Variants in WDR62 observed in about 807,000 individuals in gnomAD.
WDR62 encodes WD repeat-containing protein 62.
Under a neutral mutation model 160.6 loss-of-function variants are expected in WDR62, and 112 were observed. The ratio of observed to expected loss-of-function variants is 0.70; its 90% CI spans 0.60 to 0.82. The LOEUF is 0.82. WDR62 is among the 40% of genes least tolerant of loss of function. The pLI is 0.00. For missense variants in WDR62, 1,819 were observed against 1,983.8 expected (o/e 0.92, Z 1.58); for synonymous variants, 792 against 815.1 (o/e 0.97, Z 0.48).
chr19:36,088,681 G>C (rs1033631069), intron 13 of WDR62, among the ~76,000 whole-genome samples: 11 of 152,172 alleles, frequency 7.2e-5, no homozygotes, highest in African/African-American at 2.7e-4. Flanking sequence ...CTGATGGCAC[G>C]AGCCTCCCAG....
intron 3 of WDR62, among the ~76,000 whole-genome samples, chr19:36,065,093 T>C (rs1970863584): frequency 6.6e-6 from 1 of 152,186 alleles, no homozygotes. Context: ...GTCATGTAGC[T>C]GTACCTGCAT....
rs1196451095 is a variant in WDR62 at position 36,083,138 on chromosome 19, A to T, written c.1447A>T (p.Ser483Cys). ...CATGTCACACTTCCCAGACCGGGGG[A>T]GCGAGAATGGGACACCCATGGACGT... The part of the protein sequence containing the change: ...QDMSHFPDRG[S>C]ENGTPMDVKA... The change falls in exon 11 of 32, where the codon AGC becomes TGC. Residue 483 changes from serine (S) to cysteine (C), a missense_variant. Around this residue, in one of 3 missense-constraint regions of WDR62, gnomAD observed 934 missense variants for 1,157.2 expected, o/e 0.81. Coordinates refer to ENST00000401500, the MANE Select transcript of WDR62 (RefSeq NM_001083961.2). 4 of 1,613,594 alleles carry T rather than the reference A, an allele frequency of 2.5e-6. No homozygotes were observed. Among genetic ancestry groups the T allele is most frequent in the South Asian group, 1.1e-5 (1 of 90,934 alleles).
rs376931622 is a variant in WDR62 at position 36,103,063 on chromosome 19, G to C, written c.3451G>C (p.Asp1151His). The C allele has an allele frequency of 8.6e-5, 138 of 1,613,950 alleles. No homozygotes were observed. Among genetic ancestry groups the C allele is most frequent in the Non-Finnish European group, 1.1e-4 (132 of 1,180,042 alleles). ...AGCAGGTACTGGCTACGCCTCCCCA[G>C]ACAGGACCCACGTGAGTATTGGGCC... ...PRAGTGYASP[D>H]RTHVLAAGKA... The change falls in exon 28 of 32, where the codon GAC (aspartate) becomes CAC (histidine). Residue 1151 changes from aspartate (D) to histidine (H), a missense_variant. Asp to His is a moderately conservative substitution (Grantham distance 81, BLOSUM62 -1). Transcript: ENST00000401500.
chr19:36,080,363 C>A (rs1181060259), intron 9 of WDR62, among the ~76,000 whole-genome samples: 1 of 152,068 alleles, frequency 6.6e-6, no homozygotes, highest in East Asian at 1.9e-4. Flanking sequence ...ATCCTCCCGC[C>A]TCGGCCTCCC....
intron 1 of WDR62, among the ~76,000 whole-genome samples, chr19:36,056,226 ATCT>A (rs1309121340): frequency 2.0e-5 from 3 of 152,202 alleles, no homozygotes; most frequent in African/African-American, 7.2e-5. Context: ...TTTAATTGTG[ATCT>A]TCTTGGCACG....
At position 36,101,537 on chromosome 19, in the gene WDR62, A is replaced by T. The variant is rs1428691249; in HGVS notation, c.2972-127A>T. 3 of 826,946 alleles carry T rather than the reference A, an allele frequency of 3.6e-6. No individual in the cohort carries two copies. The Admixed American group carries it at 6.3e-5, about 17-fold the overall frequency. 51.2% of individuals were successfully genotyped at this position (826,946 alleles called of 1,614,324 possible). A position where few individuals can be genotyped will look rare whatever the true frequency, so the allele number is the denominator to read the frequency against. On this transcript the variant is annotated intron_variant, in intron 24 of 31. Transcript: ENST00000401500. ...ATGTGGAACTTCCCTTATTCATAAA[A>T]TGGGGGGCAGCTGCTCTTACCATCC...
At position 36,071,520 on chromosome 19, in the gene WDR62, G is replaced by A. The variant is rs550714494; in HGVS notation, c.883-36G>A. ...ATATCCCCGGGCCAGGCCACGTGAA[G>A]CACCAAATCCACTGGGGTCCCTTTT... On this transcript the variant is annotated intron_variant, in intron 7 of 31. Coordinates refer to ENST00000401500, the MANE Select transcript of WDR62 (RefSeq NM_001083961.2). 2.5e-6 allele frequency: 4 copies of A among 1,614,198 alleles called. No homozygotes were observed. The East Asian group carries it at 6.7e-5, about 27-fold the overall frequency.
At chr19:36,099,771 A>G (rs966006433) in intron 22 of WDR62, among the ~76,000 whole-genome samples, 154 bp downstream of exon 22, 2 of 152,204 alleles carry the variant, frequency 1.3e-5, no homozygotes, top group Non-Finnish European at 2.9e-5. Context: ...TTGCACAGCA[A>G]GACTTCCCAA....
intron 9 of WDR62, among the ~76,000 whole-genome samples, chr19:36,078,903 CTTTT>C (rs550885984): frequency 1.5e-5 from 2 of 129,608 alleles, no homozygotes; most frequent in Non-Finnish European, 3.3e-5. Context: ...TTCTGCTGTG[CTTTT>C]TTTTTTTTTT....
At chr19:36,091,604 T>C (rs1437887595) in intron 18 of WDR62, 139 bp downstream of exon 18, 4 of 849,876 alleles carry the variant, frequency 4.7e-6, no homozygotes, top group East Asian at 5.1e-5. Flanking sequence ...TGAGTTCAAA[T>C]ACCAGCTCTA....
At chr19:36,079,296 G>C (rs775946200) in intron 9 of WDR62, among the ~76,000 whole-genome samples, 46 of 151,874 alleles carry the variant, frequency 3.0e-4, no homozygotes, top group Admixed American at 5.3e-4. Context: ...GCCCAGGCTT[G>C]TTTCAAACTT....
At chr19:36,101,600 G>A in intron 24 of WDR62, 64 bp from the exon 25 acceptor site, 1 of 1,266,528 alleles carries the variant, frequency 7.9e-7, no homozygotes, top group Non-Finnish European at 1.1e-6. Flanking sequence ...GGGAAGGGTA[G>A]CCCTGGCCCT....
chr19:36,096,692 CAG>C (rs1972982674), intron 20 of WDR62, among the ~76,000 whole-genome samples: 2 of 148,748 alleles, frequency 1.3e-5, no homozygotes, highest in African/African-American at 2.5e-5. Flanking sequence ...GCCTGGGCAA[CAG>C]AGCGAGACTC....
At chr19:36,064,702 C>G (rs902568662) in intron 3 of WDR62, among the ~76,000 whole-genome samples, 1 of 152,166 alleles carries the variant, frequency 6.6e-6, no homozygotes, top group African/African-American at 2.4e-5. Context: ...CTCAGCCTCC[C>G]GAGTAGCCGG....
At position 36,104,372 on chromosome 19, in the gene WDR62, G is replaced by C. The variant is rs979916152; in HGVS notation, c.4154-146G>C. On this transcript the variant is annotated intron_variant, in intron 30 of 31. Coordinates refer to ENST00000401500, the MANE Select transcript of WDR62 (RefSeq NM_001083961.2). ...AGGGAGGAGGCTGCATTGGAGCAGA[G>C]ACCTGTAGGAGTGAAGGGGAGGGAG... is the stretch of plus-strand genomic sequence containing the variant. The C allele has an allele frequency of 6.7e-6, 7 of 1,042,322 alleles. No homozygotes were observed. In the African/African-American group the frequency reaches 9.6e-5, roughly 14 times the overall value. 64.6% of individuals were successfully genotyped at this position (1,042,322 alleles called of 1,614,324 possible).
intron 20 of WDR62, among the ~76,000 whole-genome samples, chr19:36,095,861 C>T (rs925355271): frequency 6.6e-6 from 1 of 152,238 alleles, no homozygotes; most frequent in African/African-American, 2.4e-5. Context: ...TCTTTTTCCT[C>T]TGCAAAGTCT....
intron 9 of WDR62, chr19:36,075,823 T>C (rs1971544900): frequency 2.0e-5 from 3 of 152,336 alleles, no homozygotes; most frequent in African/African-American, 4.8e-5. Context: ...TCTAAATCTA[T>C]AATTTATTTT....
At chr19:36,104,022 T>A in intron 30 of WDR62, 41 bp downstream of exon 30, 1 of 1,596,250 alleles carries the variant, frequency 6.3e-7, no homozygotes, top group Non-Finnish European at 8.5e-7. Flanking sequence ...CCTAAGCTCA[T>A]CCTGTGTGCT....
chr19:36,102,559 C>A, intron 26 of WDR62, 178 bp from the exon 27 acceptor site: 1 of 631,796 alleles, frequency 1.6e-6, no homozygotes, highest in Admixed American at 2.8e-5. Flanking sequence ...CCGTGCCCGG[C>A]CCACTGCTTC....
Sources: gnomAD v4.1 joint callset for allele counts (sites outside exome capture counted in the v4.1 genomes callset) on GRCh38, gnomAD v4.1.1 for gene constraint, gnomAD v4.1.1 regional missense constraint, MANE v1.5 for transcripts, NCBI Gene and HGNC (gene_info 2026-07-23, HGNC 2026-07-21) for gene names.